Variants in VNN2 observed in about 807,000 individuals in gnomAD.
VNN2 encodes the protein vanin 2.
VNN2 carries 43 observed loss-of-function variants against 43.0 expected under a neutral mutation model. The ratio of observed to expected loss-of-function variants is 1.00; its 90% CI spans 0.78 to 1.29. The LOEUF (loss-of-function observed/expected upper bound fraction) is 1.29. Ranked by LOEUF, VNN2 falls within the 50% of genes most tolerant of loss-of-function variation. VNN2 has a pLI of 0.00. For synonymous variants in VNN2, 230 were observed against 224.3 expected (o/e 1.03, Z -0.23); for missense variants, 652 against 619.7 (o/e 1.05, Z -0.55).
chr6:132,754,942 G>A (rs1423461593), intron 3 of VNN2, among the ~76,000 whole-genome samples: 2 of 152,188 alleles, frequency 1.3e-5, no homozygotes, highest in African/African-American at 4.8e-5. Flanking sequence ...GGGAGGCCAA[G>A]GTGGGAGGAC....
intron 5 of VNN2, 127 bp downstream of exon 5, chr6:132,751,018 T>C: frequency 9.1e-7 from 1 of 1,099,282 alleles, no homozygotes; most frequent in Non-Finnish European, 1.3e-6. Flanking sequence ...GTGTTGTGTG[T>C]GTGTGTGTTG....
At chr6:132,752,076 C>A (rs1052520726) in intron 4 of VNN2, among the ~76,000 whole-genome samples, 2 of 152,144 alleles carry the variant, frequency 1.3e-5, no homozygotes, top group Middle Eastern at 3.2e-3. Context: ...AAGACAGCAG[C>A]CATGTCACGA....
At chr6:132,761,386 G>T (rs182738389), upstream of VNN2, among the ~76,000 whole-genome samples, 4 of 151,394 alleles carry the variant, frequency 2.6e-5, no homozygotes, top group Non-Finnish European at 5.9e-5. Context: ...TGGGGTGGGC[G>T]CAGTGACTCA....
At chr6:132,759,339 T>C (rs2114637547), upstream of VNN2, among the ~76,000 whole-genome samples, 1 of 145,842 alleles carries the variant, frequency 6.9e-6, no homozygotes, top group East Asian at 2.0e-4. Context: ...CTCGGGAGGC[T>C]GAGGCAGGAG....
chr6:132,753,475 C>G (rs919911039), intron 3 of VNN2: 6 of 455,314 alleles, frequency 1.3e-5, no homozygotes, highest in African/African-American at 1.2e-4. Context: ...AAAGTAATCT[C>G]AGTGACTCTT....
chr6:132,760,562 T>C (rs1780715325), upstream of VNN2: 1 of 152,008 alleles, frequency 6.6e-6, no homozygotes, highest in African/African-American at 2.4e-5. Flanking sequence ...AAATTTCTGA[T>C]GCAGTTGATG....
rs755046321 is a variant in VNN2 at position 132,752,571 on chromosome 6, A to C, written c.716T>G (p.Met239Arg). The C allele has an allele frequency of 1.9e-5, 30 of 1,614,082 alleles. No homozygotes were observed. The highest frequency in any genetic ancestry group is 2.5e-5 in the Non-Finnish European group (29 of 1,180,034). Residue 239 changes from methionine (M) to arginine (R), a missense_variant, in exon 4 of 7, where the codon ATG becomes AGG. Coordinates refer to ENST00000326499, the MANE Select transcript of VNN2 (RefSeq NM_004665.6). ...VDTILFPTAW[M>R]NVLPLLTAIE... ...AGCTGTCAAAAGGGGCAAAACGTTC[A>C]TCCAAGCTGTGGGAAACAGTATGGT...
chr6:132,761,779 T>A (rs970859263), upstream of VNN2, among the ~76,000 whole-genome samples: 2 of 152,230 alleles, frequency 1.3e-5, no homozygotes, highest in Non-Finnish European at 2.9e-5. Context: ...GGTCTTTAAT[T>A]TTAAAAACCT....
At position 132,751,312 on chromosome 6, in the gene VNN2, C is replaced by T. The variant is rs756810158; in HGVS notation, c.1033G>A (p.Gly345Arg). The change falls in exon 5 of 7, where the codon GGG becomes AGG. Residue 345 changes from glycine (G) to arginine (R), a missense_variant. Gly to Arg is a moderately radical substitution (Grantham distance 125). Transcript: ENST00000326499. ...NTFRGFISRD[G>R]FNFTELFENA... ...TCAAAAAGTTCTGTGAAGTTGAACC[C>T]ATCCCTGGAAATAAATCCCCTGAAA... 3 of 1,614,050 alleles carry T rather than the reference C, an allele frequency of 1.9e-6. No individual in the cohort carries two copies. Among genetic ancestry groups the T allele is most frequent in the African/African-American group, 1.3e-5 (1 of 74,908 alleles).
chr6:132,755,811 C>T, intron 3 of VNN2, 32 bp downstream of exon 3: 10 of 1,577,700 alleles, frequency 6.3e-6, no homozygotes, highest in Non-Finnish European at 6.9e-6. Context: ...TCACAACACG[C>T]TCCATTTTAC....
chr6:132,762,842 G>A (rs988345139), upstream of VNN2, among the ~76,000 whole-genome samples: 1 of 152,266 alleles, frequency 6.6e-6, no homozygotes, highest in African/African-American at 2.4e-5. Context: ...ATTTCACATG[G>A]TTCAACCAAC....
chr6:132,752,848 A>G, intron 3 of VNN2, 99 bp from the exon 4 acceptor site: 1 of 1,312,276 alleles, frequency 7.6e-7, no homozygotes. Context: ...GCTATGGTCA[A>G]CTGCAGGGAA....
Position 132,757,825 on chromosome 6 carries a change from A to G in VNN2, c.59T>C (p.Val20Ala), listed in dbSNP as rs574940495. Residue 20 changes from valine (V) to alanine (A), a missense_variant, in exon 1 of 7, where the codon GTT (valine) becomes GCT (alanine). By Grantham distance (64) the Val-to-Ala change is moderately conservative. Transcript: ENST00000326499. The stretch of plus-strand genomic sequence containing the variant: ...AGCTATAAAACTGTCCTGAGTACCA[A>G]CCTGCAGGGTTATTAGGGCAAAAAC... Reference protein sequence around the residue: ...VAVFALITLQVGTQDSFIAAV... With the variant: ...VAVFALITLQAGTQDSFIAAV... The G allele has an allele frequency of 2.5e-6, 4 of 1,613,904 alleles. No homozygotes were observed. The highest frequency in any genetic ancestry group is 3.4e-6 in the Non-Finnish European group (4 of 1,179,994).
intron 6 of VNN2, among the ~76,000 whole-genome samples, chr6:132,747,191 A>G (rs372438626): frequency 1.3e-5 from 2 of 152,176 alleles, no homozygotes; most frequent in African/African-American, 2.4e-5. Flanking sequence ...CAGCATGACA[A>G]GTTCACAGAA....
chr6:132,758,773 T>C (rs1245033522), upstream of VNN2, among the ~76,000 whole-genome samples: 5 of 152,182 alleles, frequency 3.3e-5, no homozygotes, highest in African/African-American at 7.2e-5. Flanking sequence ...ACTGAAAACA[T>C]GTGCTCCAGA....
At chr6:132,762,895 G>A (rs1180399451), upstream of VNN2, among the ~76,000 whole-genome samples, 1 of 152,178 alleles carries the variant, frequency 6.6e-6, no homozygotes, top group African/African-American at 2.4e-5. Flanking sequence ...TGAAGTTGCA[G>A]AAGTCCCTTT....
At chr6:132,758,135 C>T, upstream of VNN2, 1 of 345,254 alleles carries the variant, frequency 2.9e-6, no homozygotes, top group Non-Finnish European at 5.2e-6. Context: ...ACTTCCACCT[C>T]CCAGGTTCAA....
In VNN2 at chr6:132,752,769, G is replaced by A. The variant is rs1780201244; in HGVS notation, c.538-20C>T. On this transcript the variant is annotated intron_variant, in intron 3 of 6. Coordinates refer to ENST00000326499, the MANE Select transcript of VNN2 (RefSeq NM_004665.6). Reference sequence around the variant, plus strand: ...GTGGTACTACAACAAATGGATAGGAGAAAACCAGTAAAACCTTATTTGTTG... The same window carrying A: ...GTGGTACTACAACAAATGGATAGGAAAAAACCAGTAAAACCTTATTTGTTG... 1.3e-6 allele frequency: 2 copies of A among 1,594,774 alleles called. No homozygotes were observed. Among genetic ancestry groups the A allele is most frequent in the Non-Finnish European group, 1.7e-6 (2 of 1,171,288 alleles).
upstream of VNN2, among the ~76,000 whole-genome samples, chr6:132,760,364 G>C (rs1780711689): frequency 6.6e-6 from 1 of 151,976 alleles, no homozygotes; most frequent in African/African-American, 2.4e-5. Context: ...TTTGTAGAGA[G>C]GAAGTTTCAC....
Sources: allele counts gnomAD v4.1 joint callset (sites outside exome capture counted in the v4.1 genomes callset), GRCh38; gene constraint gnomAD v4.1.1; transcripts MANE v1.5; gene names NCBI Gene and HGNC (gene_info 2026-07-23, HGNC 2026-07-21).